Variants in SDK1 observed in about 807,000 individuals in gnomAD.
The protein encoded by SDK1 is protein sidekick-1.
Under a neutral mutation model 245.5 loss-of-function variants are expected in SDK1, and 157 were observed. The observed-to-expected ratio is 0.64, with a 90% CI of 0.56 to 0.73. The LOEUF (loss-of-function observed/expected upper bound fraction) is 0.73, where lower values mean the gene tolerates loss of function less well. Ranked by LOEUF, SDK1 falls within the 30% of genes least tolerant of loss-of-function variation. The probability of loss-of-function intolerance (pLI) is 0.00; values close to 1 mark genes in which losing one functional copy is unlikely to be tolerated. For missense variants in SDK1, 3,583 were observed against 3,002.3 expected, an observed-to-expected ratio of 1.19 and a Z score of -4.52; for synonymous variants, 1,647 against 1,278.5, an observed-to-expected ratio of 1.29 and a Z score of -6.15.
intron 1 of SDK1, among the ~76,000 whole-genome samples, chr7:3,437,039 G>A (rs1780049418): frequency 6.6e-6 from 1 of 152,132 alleles, no homozygotes; most frequent in African/African-American, 2.4e-5. Flanking sequence ...TATCAGTCCA[G>A]GAGAGCCTGG....
chr7:3,633,978 C>T lies in SDK1; in HGVS notation c.459-5026C>T, dbSNP rs11982228. Among the ~76,000 whole-genome samples the T allele has an allele frequency of 5.7e-3, 865 of 152,202 alleles. 9 individuals carry two copies. The highest frequency in any genetic ancestry group is 0.019 in the African/African-American group (778 of 41,536). Reference sequence around the variant, plus strand: ...CCTACTCCCCTGGACTAGGGCTCCACTGTGCCCCCACCACCGCTGCTGTCA... The same window carrying T: ...CCTACTCCCCTGGACTAGGGCTCCATTGTGCCCCCACCACCGCTGCTGTCA... On this transcript the variant is annotated intron_variant, in intron 2 of 44. Coordinates refer to ENST00000404826, the MANE Select transcript of SDK1 (RefSeq NM_152744.4).
At chr7:3,362,447 A>G (rs1780979166) in intron 1 of SDK1, among the ~76,000 whole-genome samples, 2 of 152,100 alleles carry the variant, frequency 1.3e-5, no homozygotes, top group Admixed American at 6.5e-5. Flanking sequence ...AGCAGCAGAA[A>G]ATTTTTGCAG....
chr7:3,438,969 C>T (rs1326451612), intron 1 of SDK1, among the ~76,000 whole-genome samples: 1 of 151,488 alleles, frequency 6.6e-6, no homozygotes, highest in Non-Finnish European at 1.5e-5. Flanking sequence ...TCTCCTGCCT[C>T]AGCCTCCCGA....
chr7:3,620,743 C>G (rs1056330824), intron 2 of SDK1, among the ~76,000 whole-genome samples: 1 of 152,124 alleles, frequency 6.6e-6, no homozygotes, highest in East Asian at 1.9e-4. Flanking sequence ...CTGCCCCCAT[C>G]AAAGGCATGG....
chr7:4,101,827 C>G (rs1409418686), intron 22 of SDK1, among the ~76,000 whole-genome samples: 1 of 152,004 alleles, frequency 6.6e-6, no homozygotes, highest in Non-Finnish European at 1.5e-5. Flanking sequence ...AGGAAGGAAG[C>G]CATGCAAGAG....
intron 1 of SDK1, among the ~76,000 whole-genome samples, chr7:3,439,479 G>A (rs1273771235): frequency 6.6e-6 from 1 of 152,132 alleles, no homozygotes; most frequent in Non-Finnish European, 1.5e-5. Context: ...CTAAGACTCA[G>A]TGGACAGCAA....
At chr7:3,321,589 A>C (rs1271055032) in intron 1 of SDK1, among the ~76,000 whole-genome samples, 1 of 152,174 alleles carries the variant, frequency 6.6e-6, no homozygotes, top group African/African-American at 2.4e-5. Flanking sequence ...ACAGTATGTG[A>C]AGTTACTTTC....
intron 4 of SDK1, among the ~76,000 whole-genome samples, chr7:3,680,527 G>T (rs149705053): frequency 1.3e-5 from 2 of 152,176 alleles, no homozygotes; most frequent in Admixed American, 1.3e-4. Flanking sequence ...GACTATGCAG[G>T]TTTTGATATT....
intron 1 of SDK1, among the ~76,000 whole-genome samples, chr7:3,339,541 A>G (rs1423195459): frequency 6.6e-6 from 1 of 152,272 alleles, no homozygotes; most frequent in African/African-American, 2.4e-5. Flanking sequence ...AAAATAAAAA[A>G]CGTAAAAGGA....
chr7:3,592,300 C>T (rs1780902722), intron 1 of SDK1, among the ~76,000 whole-genome samples: 1 of 152,134 alleles, frequency 6.6e-6, no homozygotes, highest in African/African-American at 2.4e-5. Context: ...ATATAATTGC[C>T]GTTTCTCCCC....
At chr7:4,037,211 C>G (rs1788285347) in intron 17 of SDK1, among the ~76,000 whole-genome samples, 2 of 152,146 alleles carry the variant, frequency 1.3e-5, no homozygotes, top group African/African-American at 2.4e-5. Flanking sequence ...GTCAGATGAC[C>G]AAAGACGAAC....
intron 1 of SDK1, among the ~76,000 whole-genome samples, chr7:3,507,807 C>T (rs771921240): frequency 3.9e-5 from 6 of 152,126 alleles, no homozygotes; most frequent in Non-Finnish European, 5.9e-5. Flanking sequence ...TGTCTTAAAC[C>T]GCCATATCTG....
chr7:3,410,987 C>G (rs552310540), intron 1 of SDK1, among the ~76,000 whole-genome samples: 1 of 152,208 alleles, frequency 6.6e-6, no homozygotes, highest in South Asian at 2.1e-4. Context: ...GACAAAATAC[C>G]TAACACACAA....
chr7:3,541,461 T>C (rs1450004598), intron 1 of SDK1, among the ~76,000 whole-genome samples: 1 of 152,204 alleles, frequency 6.6e-6, no homozygotes, highest in Non-Finnish European at 1.5e-5. Flanking sequence ...TTTCCATCCA[T>C]TCCCAACCTC....
At chr7:4,054,314 A>G (rs1230281943) in intron 19 of SDK1, among the ~76,000 whole-genome samples, 1 of 152,248 alleles carries the variant, frequency 6.6e-6, no homozygotes, top group Non-Finnish European at 1.5e-5. Context: ...GAGACCGTGT[A>G]CATTTAGCCC....
chr7:3,392,033 T>C (rs1359813953), intron 1 of SDK1, among the ~76,000 whole-genome samples: 1 of 151,414 alleles, frequency 6.6e-6, no homozygotes, highest in African/African-American at 2.4e-5. Flanking sequence ...TACAAGGCTT[T>C]TATGGAGACA....
At chr7:3,857,988 A>C (rs1447910344) in intron 5 of SDK1, among the ~76,000 whole-genome samples, 1 of 152,230 alleles carries the variant, frequency 6.6e-6, no homozygotes, top group Admixed American at 6.5e-5. Context: ...GGAAAGACTC[A>C]ATTATGTAAA....
intron 1 of SDK1, among the ~76,000 whole-genome samples, chr7:3,401,920 A>G (rs987510412): frequency 6.6e-6 from 1 of 152,140 alleles, no homozygotes; most frequent in African/African-American, 2.4e-5. Context: ...CTAGGAGTTT[A>G]TATCATGTTC....
intron 22 of SDK1, among the ~76,000 whole-genome samples, chr7:4,089,233 G>C (rs1450855647): frequency 2.6e-5 from 4 of 152,212 alleles, no homozygotes; most frequent in Non-Finnish European, 4.4e-5. Flanking sequence ...GTGGAGGTGA[G>C]ACCCTCATGG....
Sources: gnomAD v4.1 joint callset for allele counts (sites outside exome capture counted in the v4.1 genomes callset) on GRCh38, gnomAD v4.1.1 for gene constraint, MANE v1.5 for transcripts, NCBI Gene and HGNC (gene_info 2026-07-23, HGNC 2026-07-21) for gene names.